MEF2A: variants seen among roughly 807,000 people sequenced by gnomAD.
MEF2A encodes the protein myocyte-specific enhancer factor 2A.
MEF2A carries 28 observed loss-of-function variants against 55.8 expected under a neutral mutation model. The ratio of observed to expected loss-of-function variants is 0.50; its 90% CI spans 0.37 to 0.69. The LOEUF is 0.69. Ranked by LOEUF, MEF2A falls within the 30% of genes least tolerant of loss-of-function variation. MEF2A has a pLI of 0.00. For synonymous variants in MEF2A, 239 were observed against 227.1 expected (o/e 1.05, Z -0.47); for missense variants, 528 against 626.2 (o/e 0.84, Z 1.67).
At chr15:99,582,997 A>C (rs1966381462) in intron 1 of MEF2A, among the ~76,000 whole-genome samples, 1 of 152,150 alleles carries the variant, frequency 6.6e-6, no homozygotes, top group Non-Finnish European at 1.5e-5. Flanking sequence ...GGATGTTATG[A>C]GGATAGTCTG....
At chr15:99,614,927 A>G (rs2039937906) in intron 2 of MEF2A, among the ~76,000 whole-genome samples, 1 of 152,196 alleles carries the variant, frequency 6.6e-6, no homozygotes, top group East Asian at 1.9e-4. Context: ...TAGAGGAGTG[A>G]CAGGATAAGG....
chr15:99,592,288 C>CT (rs988333113), intron 1 of MEF2A, among the ~76,000 whole-genome samples: 14 of 151,412 alleles, frequency 9.2e-5, no homozygotes, highest in Non-Finnish European at 1.5e-4. Context: ...TCTTTGGGAA[C>CT]TTTTTTTTTA....
chr15:99,653,559 G>C (rs1281219300), intron 4 of MEF2A, among the ~76,000 whole-genome samples: 2 of 152,086 alleles, frequency 1.3e-5, no homozygotes, highest in Non-Finnish European at 2.9e-5. Context: ...TTTCTAACGT[G>C]TTTCACTGAT....
At chr15:99,588,328 G>C (rs1205731916) in intron 1 of MEF2A, among the ~76,000 whole-genome samples, 3 of 151,912 alleles carry the variant, frequency 2.0e-5, no homozygotes, top group African/African-American at 7.3e-5. Context: ...TTTTGAGAAG[G>C]AGTCTCACTG....
At chr15:99,693,263 G>T (rs2055837633) in intron 8 of MEF2A, among the ~76,000 whole-genome samples, 1 of 152,082 alleles carries the variant, frequency 6.6e-6, no homozygotes, top group South Asian at 2.1e-4. Context: ...AAAATAAACA[G>T]AATTAAGTAT....
intron 1 of MEF2A, chr15:99,566,575 G>A (rs1186930238): frequency 5.3e-5 from 8 of 152,344 alleles, no homozygotes; most frequent in Non-Finnish European, 8.8e-5. Context: ...AAAGTTGAAG[G>A]AGTTCTCGGG....
At chr15:99,698,905 A>G (rs891495771) in intron 8 of MEF2A, among the ~76,000 whole-genome samples, 32 of 152,076 alleles carry the variant, frequency 2.1e-4, no homozygotes, top group Admixed American at 2.1e-3. Context: ...AGAGTTGGTC[A>G]GTTCTTATGA....
chr15:99,665,017 C>T (rs1015442395), intron 4 of MEF2A, among the ~76,000 whole-genome samples: 1 of 152,014 alleles, frequency 6.6e-6, no homozygotes, highest in Admixed American at 6.6e-5. Context: ...TAAATAGAAA[C>T]AAAAGTGGCC....
intron 4 of MEF2A, among the ~76,000 whole-genome samples, chr15:99,668,538 A>G (rs964956591): frequency 1.3e-5 from 2 of 152,278 alleles, no homozygotes; most frequent in South Asian, 4.1e-4. Flanking sequence ...TATTTACTTT[A>G]GAATGGATTA....
In MEF2A at chr15:99,679,807, T is replaced by A. The variant is rs535755346; in HGVS notation, c.670+4349T>A. The stretch of plus-strand genomic sequence containing the variant: ...TGAAAATAAAAGAATACACTAGATA[T>A]AATAATAAAGGAACTATAACAACAA... On this transcript the variant is annotated intron_variant, in intron 7 of 11. Coordinates refer to ENST00000557942, the MANE Select transcript of MEF2A (RefSeq NM_001319206.4). Among the ~76,000 whole-genome samples, 3 of 151,344 alleles carry A rather than the reference T, an allele frequency of 2.0e-5. No individual in the cohort carries two copies. The South Asian group carries it at 6.2e-4, about 31-fold the overall frequency.
At chr15:99,579,521 A>G (rs1440878098) in intron 1 of MEF2A, among the ~76,000 whole-genome samples, 3 of 151,952 alleles carry the variant, frequency 2.0e-5, no homozygotes, top group African/African-American at 7.3e-5. Flanking sequence ...CAGCCTCCCA[A>G]GTAGCTGGGA....
intron 2 of MEF2A, among the ~76,000 whole-genome samples, chr15:99,617,969 A>G (rs886977498): frequency 3.9e-5 from 6 of 152,212 alleles, no homozygotes; most frequent in Non-Finnish European, 8.8e-5. Context: ...AATTACATGT[A>G]AACATTTAAT....
rs1249337065 is a variant in MEF2A at position 99,712,935 on chromosome 15, G to T, written c.*164G>T. On this transcript the variant is annotated 3_prime_UTR_variant, in exon 12 of 12. Coordinates refer to ENST00000557942, the MANE Select transcript of MEF2A (RefSeq NM_001319206.4). The surrounding 1 kb of genome is among the most constrained non-coding windows in gnomAD (Gnocchi z 4.1). Reference sequence around the variant, plus strand: ...GGTGTGAGTGTGTATGTGTGGGTGTGTGTTACATACACAGAATCAGGCACT... The same window carrying T: ...GGTGTGAGTGTGTATGTGTGGGTGTTTGTTACATACACAGAATCAGGCACT... The T allele has an allele frequency of 3.7e-6, 3 of 805,564 alleles. No homozygotes were observed. In the East Asian group the frequency reaches 8.1e-5, roughly 22 times the overall value. 49.9% of individuals were successfully genotyped at this position (805,564 alleles called of 1,614,324 possible).
chr15:99,675,307 AGTTATC>A (rs2051743097), intron 6 of MEF2A, 86 bp from the exon 7 acceptor site: 12 of 1,081,254 alleles, frequency 1.1e-5, no homozygotes, highest in Non-Finnish European at 1.6e-5. Flanking sequence ...TTAGAGTGAG[AGTTATC>A]TCTATTCAGT....
chr15:99,671,828 ATG>A (rs1474401952), intron 5 of MEF2A, among the ~76,000 whole-genome samples: 1 of 152,214 alleles, frequency 6.6e-6, no homozygotes, highest in Non-Finnish European at 1.5e-5. Flanking sequence ...AATCTTATAC[ATG>A]TTCAGTATCT....
At chr15:99,566,882 G>C in intron 1 of MEF2A, among the ~76,000 whole-genome samples, 1 of 152,218 alleles carries the variant, frequency 6.6e-6, no homozygotes, top group East Asian at 1.9e-4. Flanking sequence ...GCTGCACAGG[G>C]AACCGCTGGC....
intron 8 of MEF2A, among the ~76,000 whole-genome samples, chr15:99,696,309 C>G (rs868119101): frequency 2.6e-5 from 4 of 152,212 alleles, no homozygotes; most frequent in African/African-American, 9.7e-5. Flanking sequence ...AGAACACACA[C>G]TTTTCACAAG....
intron 7 of MEF2A, among the ~76,000 whole-genome samples, chr15:99,679,305 T>C (rs910643908): frequency 1.1e-4 from 16 of 152,280 alleles, no homozygotes; most frequent in African/African-American, 3.1e-4. Flanking sequence ...TTAAAGTCAT[T>C]GTCTAGAAAT....
chr15:99,647,348 C>T (rs547552910), intron 4 of MEF2A, among the ~76,000 whole-genome samples: 1 of 150,462 alleles, frequency 6.6e-6, no homozygotes, highest in South Asian at 2.1e-4. Flanking sequence ...TACACTGCCT[C>T]AACTCAAACC....
Sources: allele counts gnomAD v4.1 joint callset (sites outside exome capture counted in the v4.1 genomes callset), GRCh38; gene constraint gnomAD v4.1.1; non-coding constraint Gnocchi (gnomAD v3.1); transcripts MANE v1.5; gene names NCBI Gene and HGNC (gene_info 2026-07-23, HGNC 2026-07-21).